The following SLC25A24 variants were observed in gnomAD, a reference collection of about 807,000 sequenced individuals.
SLC25A24 encodes the protein mitochondrial adenyl nucleotide antiporter SLC25A24.
SLC25A24 carries 49 observed loss-of-function variants against 60.7 expected under a neutral mutation model. That is an observed-to-expected ratio of 0.81 (90% CI 0.64 to 1.02). SLC25A24 has a LOEUF of 1.02. Ranked by LOEUF, SLC25A24 falls within the 50% of genes least tolerant of loss-of-function variation. The pLI is 0.00. For missense variants in SLC25A24, 564 were observed against 586.3 expected (o/e 0.96, Z 0.39); for synonymous variants, 202 against 200.6 (o/e 1.01, Z -0.06).
In SLC25A24 at chr1:108,136,585, G is replaced by A. The variant is rs544745749; in HGVS notation, c.*68C>T. Reference sequence around the variant, plus strand: ...TTTTGCCATAGACTTGTTTCAATTCGAGGAGAAAAAGTCACTCCAGAGATT... The same window carrying A: ...TTTTGCCATAGACTTGTTTCAATTCAAGGAGAAAAAGTCACTCCAGAGATT... On this transcript the variant is annotated 3_prime_UTR_variant, in exon 10 of 10. Transcript: ENST00000565488. 58 of 1,347,034 alleles carry A rather than the reference G, an allele frequency of 4.3e-5. No homozygotes were observed. The East Asian group carries it at 7.5e-4, about 17-fold the overall frequency. The allele number at this position is 1,347,034 out of a possible 1,614,324, so 83.4% of individuals were successfully genotyped here. A position where few individuals can be genotyped will look rare whatever the true frequency, so the allele number is the denominator to read the frequency against.
At chr1:108,136,874 G>C (rs775096775) in intron 9 of SLC25A24, 37 bp from the exon 10 acceptor site, 2 of 1,552,650 alleles carry the variant, frequency 1.3e-6, no homozygotes, top group Non-Finnish European at 1.8e-6. Context: ...TAATATTCAA[G>C]TATGTTTCAT....
At chr1:108,166,351 A>G (rs1220772836) in intron 3 of SLC25A24, among the ~76,000 whole-genome samples, 2 of 151,702 alleles carry the variant, frequency 1.3e-5, no homozygotes, top group South Asian at 2.1e-4. Flanking sequence ...GCCTTGCTAG[A>G]TTGGGGAAGT....
At position 108,157,629 on chromosome 1, in the gene SLC25A24, A is replaced by T. The variant is rs771116281; in HGVS notation, c.511-9T>A. On this transcript the variant is annotated splice_polypyrimidine_tract_variant and intron_variant, in intron 4 of 9. Transcript: ENST00000565488. ...TCCCCTATGTCAATTCCCTGTAAAA[A>T]TGAAAAAAAGATCCCCATGCGCCTT... The T allele has an allele frequency of 9.3e-6, 15 of 1,608,682 alleles. No individual in the cohort carries two copies. In the East Asian group the frequency reaches 3.3e-4, roughly 36 times the overall value.
intron 4 of SLC25A24, among the ~76,000 whole-genome samples, chr1:108,160,076 T>C (rs76171638): frequency 0.52 from 76,364 of 148,190 alleles, 19,820 homozygotes; most frequent in African/African-American, 0.64. Flanking sequence ...CCGGATGGGG[T>C]GGCTGGCCGG....
chr1:108,193,441 T>A (rs376828790), intron 1 of SLC25A24, among the ~76,000 whole-genome samples: 1 of 139,504 alleles, frequency 7.2e-6, no homozygotes, highest in African/African-American at 2.5e-5. Context: ...TATTTGTTTT[T>A]CTGTTTCTAC....
At chr1:108,144,746 C>A (rs1221223547) in intron 7 of SLC25A24, among the ~76,000 whole-genome samples, 1 of 152,162 alleles carries the variant, frequency 6.6e-6, no homozygotes, top group Admixed American at 6.6e-5. Flanking sequence ...CATGTCCCTA[C>A]AAAGGACATG....
At chr1:108,167,653 C>T (rs527547269) in intron 3 of SLC25A24, among the ~76,000 whole-genome samples, 42 of 152,318 alleles carry the variant, frequency 2.8e-4, no homozygotes, top group African/African-American at 8.9e-4. Context: ...CTTCGGCTCG[C>T]GCACGGTGCG....
intron 6 of SLC25A24, among the ~76,000 whole-genome samples, chr1:108,150,292 G>A (rs974815654): frequency 1.3e-5 from 2 of 152,142 alleles, no homozygotes; most frequent in African/African-American, 4.8e-5. Context: ...CTTCAGGACA[G>A]AGCCAAAAAG....
intron 1 of SLC25A24, among the ~76,000 whole-genome samples, chr1:108,188,281 C>T (rs957285023): frequency 6.6e-6 from 1 of 152,066 alleles, no homozygotes; most frequent in African/African-American, 2.4e-5. Flanking sequence ...ACTATGCTCA[C>T]TACCTGGGTG....
chr1:108,151,554 A>G (rs753334034), intron 6 of SLC25A24, among the ~76,000 whole-genome samples: 6 of 151,956 alleles, frequency 3.9e-5, no homozygotes, highest in Non-Finnish European at 8.8e-5. Flanking sequence ...CTCTCTCTGG[A>G]TTTTCTCCCA....
rs1295601220 is a variant in SLC25A24, at chr1:108,161,291, A to G, written c.401T>C (p.Ile134Thr). Reference protein sequence around the residue: ...EQQAELILQSIDVDGTMTVDW... With the variant: ...EQQAELILQSTDVDGTMTVDW... ...CACTGTCATTGTCCCATCAACATCA[A>G]TGCTGAAATTTTAAAAAAATGATCA... Residue 134 changes from isoleucine (I) to threonine (T), a missense_variant and splice_region_variant, in exon 4 of 10, where the codon ATT becomes ACT. Physicochemically the swap from Ile to Thr is moderately conservative, Grantham distance 89. Coordinates refer to ENST00000565488, the MANE Select transcript of SLC25A24 (RefSeq NM_013386.5). 5 of 1,524,208 alleles carry G rather than the reference A, an allele frequency of 3.3e-6. No homozygotes were observed. Among genetic ancestry groups the G allele is most frequent in the Non-Finnish European group, 4.5e-6 (5 of 1,104,520 alleles). The allele number at this position is 1,524,208 out of a possible 1,614,324, so 94.4% of individuals were successfully genotyped here. A position where few individuals can be genotyped will look rare whatever the true frequency, so the allele number is the denominator to read the frequency against.
intron 1 of SLC25A24, among the ~76,000 whole-genome samples, chr1:108,196,485 A>G (rs767053170): frequency 1.5e-4 from 23 of 152,252 alleles, no homozygotes; most frequent in Non-Finnish European, 2.8e-4. Context: ...GACAAGGATT[A>G]CACGGTCAAT....
At chr1:108,158,703 G>GAAAAAAAAAAA (rs34586204) in intron 4 of SLC25A24, among the ~76,000 whole-genome samples, 1 of 138,280 alleles carries the variant, frequency 7.2e-6, no homozygotes. Flanking sequence ...AGCCCATAAA[G>GAAAAAAAAAAA]AAAAAAAAAA....
intron 6 of SLC25A24, among the ~76,000 whole-genome samples, chr1:108,148,997 T>C (rs143461361): frequency 2.6e-5 from 4 of 152,320 alleles, no homozygotes; most frequent in African/African-American, 9.6e-5. Context: ...TGGACCAAGT[T>C]GCTCCTTTGC....
chr1:108,193,463 TA>T (rs1648408627), intron 1 of SLC25A24, among the ~76,000 whole-genome samples: 1 of 139,806 alleles, frequency 7.2e-6, no homozygotes, highest in Admixed American at 8.1e-5. Flanking sequence ...ATAATTCGTT[TA>T]AGTTATTGGC....
Position 108,167,993 on chromosome 1 carries a change from C to T in SLC25A24, c.399-6700G>A, listed in dbSNP as rs576058157. Among the ~76,000 whole-genome samples the T allele has an allele frequency of 1.2e-3, 180 of 152,234 alleles. 1 individual carries two copies. Among genetic ancestry groups the T allele is most frequent in the South Asian group, 5.0e-3 (24 of 4,826 alleles). On this transcript the variant is annotated intron_variant, in intron 3 of 9. Transcript: ENST00000565488. ...GGATTTTGACTGTTTTATTCCCTTC[C>T]TTGGGCCACCTCTTACAGCTGCTGG...
chr1:108,164,249 TTC>T (rs1366695049), intron 3 of SLC25A24, among the ~76,000 whole-genome samples: 1 of 152,012 alleles, frequency 6.6e-6, no homozygotes, highest in Admixed American at 6.5e-5. Context: ...TGGTCTAAAA[TTC>T]TCTTTTTTTG....
chr1:108,143,591 A>G lies in SLC25A24; in HGVS notation c.1050T>C (p.Asn350=). ...LGAFYKGYVP[N]LLGIIPYAGI... Reference sequence around the variant, plus strand: ...CTGCATAAGGTATGATACCTAATAAATTGGGAACATAGCCTTTGTAAAAAG... The same window carrying G: ...CTGCATAAGGTATGATACCTAATAAGTTGGGAACATAGCCTTTGTAAAAAG... The change falls in exon 8 of 10, where the codon AAT becomes AAC. Residue 350 remains asparagine, a synonymous_variant. Transcript: ENST00000565488. 6.2e-7 allele frequency: 1 copy of G among 1,613,726 alleles called. No homozygotes were observed. Among genetic ancestry groups the G allele is most frequent in the Non-Finnish European group, 8.5e-7 (1 of 1,179,714 alleles).
Position 108,200,129 on chromosome 1 carries a change from A to G in SLC25A24, c.10T>C (p.Trp4Arg). 1 of 1,554,680 alleles carries G rather than the reference A, an allele frequency of 6.4e-7. No individual in the cohort carries two copies. The highest frequency in any genetic ancestry group is 8.7e-7 in the Non-Finnish European group (1 of 1,151,176). The change falls in exon 1 of 10, where the codon TGG becomes CGG. Residue 4 changes from tryptophan (W) to arginine (R), a missense_variant. By Grantham distance (101) the Trp-to-Arg change is moderately radical. Transcript: ENST00000565488. The part of the protein sequence containing the change: MLR[W>R]LRDFVLPTAA... ...GTGGGCAGCACGAAGTCCCGCAGCC[A>G]GCGCAACATGGTCCCAGAGGCGCAG...
Sources: allele counts gnomAD v4.1 joint callset (sites outside exome capture counted in the v4.1 genomes callset), GRCh38; gene constraint gnomAD v4.1.1; transcripts MANE v1.5; gene names NCBI Gene and HGNC (gene_info 2026-07-23, HGNC 2026-07-21).